ANKRD55: variants seen among roughly 807,000 people sequenced by gnomAD.
The protein encoded by ANKRD55 is ankyrin repeat domain 55.
ANKRD55 carries 41 observed loss-of-function variants against 60.6 expected under a neutral mutation model. That is an observed-to-expected ratio of 0.68 (90% confidence interval 0.53 to 0.88). The LOEUF (loss-of-function observed/expected upper bound fraction) is 0.88, where lower values mean the gene tolerates loss of function less well. ANKRD55 is among the 40% of genes least tolerant of loss of function. ANKRD55 has a pLI of 0.00. For synonymous variants in ANKRD55, 264 were observed against 290.3 expected, an observed-to-expected ratio of 0.91 and a Z score of 0.92; for missense variants, 732 against 767.6, an observed-to-expected ratio of 0.95 and a Z score of 0.55.
intron 4 of ANKRD55, among the ~76,000 whole-genome samples, chr5:56,171,555 A>T (rs1287890235): frequency 6.6e-6 from 1 of 152,144 alleles, no homozygotes; most frequent in Non-Finnish European, 1.5e-5. Context: ...ACTTTAACTG[A>T]CCCATACCTA....
intron 7 of ANKRD55, among the ~76,000 whole-genome samples, chr5:56,131,696 TGA>T (rs1757418266): frequency 6.9e-6 from 1 of 144,094 alleles, no homozygotes; most frequent in South Asian, 2.2e-4. Context: ...CTCGGAAGGC[TGA>T]GACAGGAGAA....
At chr5:56,172,256 T>C (rs750388655) in intron 4 of ANKRD55, among the ~76,000 whole-genome samples, 4 of 152,154 alleles carry the variant, frequency 2.6e-5, no homozygotes, top group Non-Finnish European at 5.9e-5. Flanking sequence ...AGTATAAATA[T>C]TGAATATGAT....
At chr5:56,151,766 T>C (rs1389157706) in intron 6 of ANKRD55, among the ~76,000 whole-genome samples, 1 of 150,316 alleles carries the variant, frequency 6.7e-6, no homozygotes, top group East Asian at 1.9e-4. Flanking sequence ...TGAGCCAAAA[T>C]AGTGCCACTG....
intron 2 of ANKRD55, among the ~76,000 whole-genome samples, chr5:56,192,022 TCTA>T (rs756072103): frequency 8.6e-4 from 131 of 152,334 alleles, no homozygotes; most frequent in Non-Finnish European, 1.4e-3. Flanking sequence ...AAAGTTTTTT[TCTA>T]CTGACAATCA....
intron 8 of ANKRD55, among the ~76,000 whole-genome samples, chr5:56,122,776 C>T (rs1276712253): frequency 6.6e-6 from 1 of 150,788 alleles, no homozygotes; most frequent in Admixed American, 6.7e-5. Flanking sequence ...AGTTGACATT[C>T]CTTTTTTGAG....
intron 2 of ANKRD55, among the ~76,000 whole-genome samples, chr5:56,232,409 C>T (rs1021015203): frequency 2.0e-5 from 3 of 151,954 alleles, no homozygotes; most frequent in African/African-American, 4.8e-5. Flanking sequence ...AAAATGCTTA[C>T]GAAGATACAG....
chr5:56,146,826 A>G (rs1757911837), intron 6 of ANKRD55: 1 of 152,198 alleles, frequency 6.6e-6, no homozygotes, highest in Non-Finnish European at 1.5e-5. Context: ...AGGTGCGTTC[A>G]GGGTGGTTCT....
chr5:56,209,098 C>T (rs1405860971), intron 2 of ANKRD55, among the ~76,000 whole-genome samples: 1 of 152,024 alleles, frequency 6.6e-6, no homozygotes, highest in Non-Finnish European at 1.5e-5. Flanking sequence ...GCTGCGATGA[C>T]AGGCATGCAC....
intron 7 of ANKRD55, among the ~76,000 whole-genome samples, chr5:56,132,053 A>T (rs1757433470): frequency 6.6e-6 from 1 of 151,832 alleles, no homozygotes; most frequent in African/African-American, 2.4e-5. Context: ...GTATGCTTAT[A>T]TATAAGTAAA....
chr5:56,190,654 C>T (rs1228782253), intron 2 of ANKRD55, among the ~76,000 whole-genome samples: 1 of 152,104 alleles, frequency 6.6e-6, no homozygotes, highest in East Asian at 1.9e-4. Flanking sequence ...ACTTATTTGG[C>T]TCATGGTTCT....
rs1759285007 is a variant in ANKRD55, at chr5:56,198,757, G to A, written c.59-15123C>T. Among the ~76,000 whole-genome samples the A allele has an allele frequency of 2.6e-5, 4 of 152,090 alleles. No individual in the cohort carries two copies. The South Asian group carries it at 8.3e-4, about 32-fold the overall frequency. On this transcript the variant is annotated intron_variant, in intron 2 of 11. Transcript: ENST00000341048. ...ACCTGTGATAGATCCTATGCTAAAT[G>A]TTAATGTTACCTCTGTTGATTTAAA...
Position 56,159,875 on chromosome 5 carries a change from C to A in ANKRD55, c.441G>T (p.Leu147Phe), listed in dbSNP as rs1487168393. 6.2e-7 allele frequency: 1 copy of A among 1,613,678 alleles called. No individual in the cohort carries two copies. Among genetic ancestry groups the A allele is most frequent in the African/African-American group, 1.3e-5 (1 of 74,864 alleles). ...TAATCTCGCTGATGTTCGACTGTTG[C>A]AACAGGACCGTGAGGAGCCTGTAAG... ...EPDMRLLTVL[L>F]QQSNISEINH... Residue 147 changes from leucine (L) to phenylalanine (F), a missense_variant, in exon 6 of 12, where the codon TTG becomes TTT. Around this residue, in one of 3 missense-constraint regions of ANKRD55, gnomAD observed 597 missense variants for 607.5 expected, o/e 0.98. Transcript: ENST00000341048.
intron 5 of ANKRD55, among the ~76,000 whole-genome samples, chr5:56,166,122 C>CTTTCTT (rs1758457217): frequency 1.1e-5 from 1 of 87,160 alleles, no homozygotes; most frequent in African/African-American, 5.5e-5. Context: ...TTCTTTCTTT[C>CTTTCTT]TTTCTTTCTT....
At chr5:56,229,109 T>TC in intron 2 of ANKRD55, among the ~76,000 whole-genome samples, 1 of 150,660 alleles carries the variant, frequency 6.6e-6, no homozygotes, top group East Asian at 1.9e-4. Flanking sequence ...TTTTTTTTTT[T>TC]TCCCTGTTTT....
chr5:56,154,005 A>G (rs921474858), intron 6 of ANKRD55, among the ~76,000 whole-genome samples: 4 of 150,716 alleles, frequency 2.7e-5, no homozygotes, highest in African/African-American at 9.8e-5. Flanking sequence ...AGGTCAGGAG[A>G]TTGAGACCAC....
intron 10 of ANKRD55, among the ~76,000 whole-genome samples, chr5:56,105,642 T>A (rs1220013612): frequency 6.6e-6 from 1 of 152,154 alleles, no homozygotes; most frequent in African/African-American, 2.4e-5. Context: ...GGATTTGAGA[T>A]GGGCGGTGCA....
intron 7 of ANKRD55, among the ~76,000 whole-genome samples, chr5:56,138,836 G>A (rs56404842): frequency 3.3e-5 from 5 of 152,318 alleles, no homozygotes; most frequent in African/African-American, 4.8e-5. Context: ...GGGTAAGGGT[G>A]GAAAGAATAA....
At chr5:56,168,356 T>C (rs1396558292) in intron 5 of ANKRD55, among the ~76,000 whole-genome samples, 1 of 152,204 alleles carries the variant, frequency 6.6e-6, no homozygotes, top group Non-Finnish European at 1.5e-5. Context: ...CTGAGTAGAA[T>C]GATGAAATCT....
rs575712401 is a variant in ANKRD55, at chr5:56,110,179, T to G, written c.1630+939A>C. Reference sequence around the variant, plus strand: ...TGAGAGACCGAGAAGGGAGGATTGCTTGAGGCCATGAGTTCACCACCAGCC... The same window carrying G: ...TGAGAGACCGAGAAGGGAGGATTGCGTGAGGCCATGAGTTCACCACCAGCC... On this transcript the variant is annotated intron_variant, in intron 10 of 11. Coordinates refer to ENST00000341048, the MANE Select transcript of ANKRD55 (RefSeq NM_024669.3). Among the ~76,000 whole-genome samples the G allele has an allele frequency of 5.9e-5, 9 of 151,768 alleles. No individual in the cohort carries two copies. The South Asian group carries it at 1.7e-3, about 28-fold the overall frequency.
Sources: allele counts gnomAD v4.1 joint callset (sites outside exome capture counted in the v4.1 genomes callset), GRCh38; gene constraint gnomAD v4.1.1; regional missense constraint gnomAD v4.1.1; transcripts MANE v1.5; gene names NCBI Gene and HGNC (gene_info 2026-07-23, HGNC 2026-07-21).